NDUFAF1: variants seen among roughly 807,000 people sequenced by gnomAD.
NDUFAF1 encodes complex I intermediate-associated protein 30, mitochondrial.
A neutral mutation model predicts 28.7 loss-of-function variants in NDUFAF1; 18 were observed. The observed-to-expected ratio is 0.63, with a 90% CI of 0.43 to 0.93. NDUFAF1 has a LOEUF of 0.93. Ranked by LOEUF, NDUFAF1 falls within the 40% of genes least tolerant of loss-of-function variation. NDUFAF1 has a pLI of 0.00. For synonymous variants in NDUFAF1, 113 were observed against 139.7 expected, an observed-to-expected ratio of 0.81 and a Z score of 1.35; for missense variants, 404 against 398.3, an observed-to-expected ratio of 1.01 and a Z score of -0.12.
intron 3 of NDUFAF1, among the ~76,000 whole-genome samples, chr15:41,390,508 G>C (rs1182814443): frequency 6.6e-6 from 1 of 151,964 alleles, no homozygotes; most frequent in East Asian, 1.9e-4. Flanking sequence ...GGCGGATCAC[G>C]AGGTCAGGAG....
Position 41,399,557 on chromosome 15 carries a change from C to CA in NDUFAF1, c.-81-2418dup, listed in dbSNP as rs1230422126. On this transcript the variant is annotated intron_variant, in intron 1 of 4. Transcript: ENST00000260361. ...GGGCAACAAAAGTGAAACTCTGTCT[C>CA]AAAAAAAAAAATACAGGCCGGGCGC... 2.6e-3 allele frequency among the ~76,000 whole-genome samples: 352 copies of CA among 134,120 alleles called. 1 individual carries two copies. The highest frequency in any genetic ancestry group is 4.6e-3 in the Middle Eastern group (1 of 218). 88.0% of individuals were successfully genotyped at this position (134,120 alleles called of 152,430 possible). A position where few individuals can be genotyped will look rare whatever the true frequency, so the allele number is the denominator to read the frequency against.
At chr15:41,401,447 T>G (rs1407515092) in intron 1 of NDUFAF1, among the ~76,000 whole-genome samples, 1 of 151,260 alleles carries the variant, frequency 6.6e-6, no homozygotes, top group African/African-American at 2.4e-5. Flanking sequence ...TTTTTTTTTT[T>G]TTTTTAAGAC....
Position 41,396,721 on chromosome 15 carries a change from C to G in NDUFAF1, c.339G>C (p.Leu113=), listed in dbSNP as rs190964250. ...TGGCTTGTTCCAGCAAGACCTCATG[C>G]AGAGGGTGGCCTTCCGGTCCTCTCC... is the stretch of plus-strand genomic sequence containing the variant. ...DHWRGPEGHP[L]HEVLLEQAKV... Residue 113 remains leucine, a synonymous_variant, in exon 2 of 5, where the codon CTG becomes CTC. Coordinates refer to ENST00000260361, the MANE Select transcript of NDUFAF1 (RefSeq NM_016013.4). The G allele has an allele frequency of 2.7e-5, 43 of 1,614,178 alleles. No individual in the cohort carries two copies. In the African/African-American group the frequency reaches 4.4e-4, roughly 17 times the overall value.
chr15:41,394,996 G>C lies in NDUFAF1; in HGVS notation c.622C>G (p.Leu208Val), dbSNP rs1487903987. The C allele has an allele frequency of 1.2e-6, 2 of 1,614,148 alleles. No individual in the cohort carries two copies. Among genetic ancestry groups the C allele is most frequent in the South Asian group, 1.1e-5 (1 of 91,076 alleles). ...CCATCCCCACGTACACGGAGATACA[G>C]AGTATTGAACTGGGACCAATCGTAA... is the stretch of plus-strand genomic sequence containing the variant. Reference protein sequence around the residue: ...MSYDWSQFNTLYLRVRGDGRP... With the variant: ...MSYDWSQFNTVYLRVRGDGRP... The change falls in exon 3 of 5, where the codon CTG becomes GTG. Residue 208 changes from leucine (L) to valine (V), a missense_variant. Leu to Val is a conservative substitution (Grantham distance 32, BLOSUM62 1). Transcript: ENST00000260361.
At chr15:41,402,044 A>G in intron 1 of NDUFAF1, 100 bp downstream of exon 1, 1 of 262,560 alleles carries the variant, frequency 3.8e-6, no homozygotes, top group South Asian at 3.6e-5. Flanking sequence ...AATCTAAACT[A>G]TTAACTGGAC....
intron 2 of NDUFAF1, 78 bp from the exon 3 acceptor site, chr15:41,395,122 C>CCTGTTGATGATGCTG: frequency 1.5e-6 from 2 of 1,356,970 alleles, no homozygotes; most frequent in Non-Finnish European, 2.1e-6. Context: ...AAGTCAGCAT[C>CCTGTTGATGATGCTG]ATCAACAGGA....
At chr15:41,387,691 G>A in intron 4 of NDUFAF1, 98 bp from the exon 5 acceptor site, 3 of 999,840 alleles carry the variant, frequency 3.0e-6, no homozygotes, top group Non-Finnish European at 4.7e-6. Flanking sequence ...ATTATAACTG[G>A]GTTTTAATGC....
chr15:41,388,374 G>T, intron 4 of NDUFAF1, 74 bp downstream of exon 4: 2 of 1,190,928 alleles, frequency 1.7e-6, no homozygotes, highest in South Asian at 2.5e-5. Flanking sequence ...CTTCTCAAAT[G>T]AACTCAGTCT....
chr15:41,389,130 T>C (rs2050288206), intron 3 of NDUFAF1, among the ~76,000 whole-genome samples: 1 of 152,122 alleles, frequency 6.6e-6, no homozygotes, highest in Non-Finnish European at 1.5e-5. Context: ...TTACCCAGGC[T>C]GGAGTGCAGT....
intron 3 of NDUFAF1, 43 bp downstream of exon 3, chr15:41,394,816 C>A: frequency 2.5e-6 from 4 of 1,607,166 alleles, no homozygotes; most frequent in South Asian, 1.1e-5. Context: ...CCTCACCCAG[C>A]CAAGACCTCA....
At chr15:41,398,102 C>T (rs1418555329) in intron 1 of NDUFAF1, among the ~76,000 whole-genome samples, 6 of 150,674 alleles carry the variant, frequency 4.0e-5, no homozygotes, top group Admixed American at 1.3e-4. Context: ...TTTTGAACTC[C>T]TAGGATCCAG....
At chr15:41,400,491 G>A (rs1363156568) in intron 1 of NDUFAF1, among the ~76,000 whole-genome samples, 1 of 150,866 alleles carries the variant, frequency 6.6e-6, no homozygotes, top group East Asian at 2.0e-4. Context: ...ACAGGCGTGA[G>A]CCACTGCACC....
intron 3 of NDUFAF1, among the ~76,000 whole-genome samples, chr15:41,391,863 G>C (rs539412622): frequency 6.6e-6 from 1 of 152,020 alleles, no homozygotes; most frequent in Non-Finnish European, 1.5e-5. Context: ...AAGACATGGG[G>C]GCAGAGCATT....
chr15:41,397,995 A>G (rs1364461319), intron 1 of NDUFAF1, among the ~76,000 whole-genome samples: 8 of 142,830 alleles, frequency 5.6e-5, no homozygotes, highest in Non-Finnish European at 1.1e-4. Context: ...ACTGCACTCC[A>G]GCCTGGCAAC....
rs368734953 is a variant in NDUFAF1 at position 41,395,349 on chromosome 15, TTTTTC to T, written c.574-310_574-306del. ...TTACCTGGTCGTATGGAGCAATGAC[TTTTTC>T]TTTTCTTTTCTTTTCTTTTCTTTTT... On this transcript the variant is annotated intron_variant, in intron 2 of 4. Coordinates refer to ENST00000260361, the MANE Select transcript of NDUFAF1 (RefSeq NM_016013.4). 9.9e-3 allele frequency among the ~76,000 whole-genome samples: 1,505 copies of T among 151,754 alleles called. 17 individuals are homozygous for T. The highest frequency in any genetic ancestry group is 0.03 in the African/African-American group (1,230 of 41,240).
chr15:41,393,009 T>C (rs1271834313), intron 3 of NDUFAF1, among the ~76,000 whole-genome samples: 1 of 151,998 alleles, frequency 6.6e-6, no homozygotes, highest in Non-Finnish European at 1.5e-5. Context: ...TGAGTGTATT[T>C]TGGAAGCAGA....
chr15:41,399,168 G>A (rs1209226214), intron 1 of NDUFAF1, among the ~76,000 whole-genome samples: 1 of 151,670 alleles, frequency 6.6e-6, no homozygotes, highest in Non-Finnish European at 1.5e-5. Flanking sequence ...CGGGAGGCCA[G>A]GGCAGGCGGA....
chr15:41,398,865 G>A lies in NDUFAF1; in HGVS notation c.-81-1725C>T, dbSNP rs145163826. 9.5e-3 allele frequency among the ~76,000 whole-genome samples: 1,441 copies of A among 152,040 alleles called. 20 individuals carry two copies. The highest frequency in any genetic ancestry group is 0.033 in the African/African-American group (1,354 of 41,490). ...AGCTACTGGGGAGGCTGAGGCAGGA[G>A]AATCACTTGAACCCAGGAGGCGGAG... On this transcript the variant is annotated intron_variant, in intron 1 of 4. Transcript: ENST00000260361.
chr15:41,396,664 ATCT>A lies in NDUFAF1; in HGVS notation c.393_395del (p.Glu131del), dbSNP rs766047003. 3.1e-6 allele frequency: 5 copies of A among 1,613,950 alleles called. No individual in the cohort carries two copies. The highest frequency in any genetic ancestry group is 1.3e-5 in the African/African-American group (1 of 74,880). Reference sequence around the variant, plus strand: ...CAGAAGTCACTGTCCACTTATCCAAATCTTCTTTCCCCCGGAATTGCCAGACAA... The same window carrying A: ...CAGAAGTCACTGTCCACTTATCCAAATCTTTCCCCCGGAATTGCCAGACAA... On this transcript the variant is annotated inframe_deletion, in exon 2 of 5. Coordinates refer to ENST00000260361, the MANE Select transcript of NDUFAF1 (RefSeq NM_016013.4).
Sources: gnomAD v4.1 joint callset for allele counts (sites outside exome capture counted in the v4.1 genomes callset) on GRCh38, gnomAD v4.1.1 for gene constraint, MANE v1.5 for transcripts, NCBI Gene and HGNC (gene_info 2026-07-23, HGNC 2026-07-21) for gene names.